The following SBF2 variants were observed in gnomAD, a reference collection of about 807,000 sequenced individuals.
SBF2 encodes the protein SET binding factor 2, also known as myotubularin-related protein 13.
Under a neutral mutation model 225.2 loss-of-function variants are expected in SBF2, and 112 were observed. The ratio of observed to expected loss-of-function variants is 0.50; its 90% CI spans 0.43 to 0.58. The LOEUF (loss-of-function observed/expected upper bound fraction) is 0.58, where lower values mean the gene tolerates loss of function less well. Among genes scored for constraint, SBF2 ranks in the 20% least tolerant of loss-of-function variants. The probability of loss-of-function intolerance (pLI) is 0.00; values close to 1 mark genes in which losing one functional copy is unlikely to be tolerated. For synonymous variants in SBF2, 763 were observed against 773.3 expected, an observed-to-expected ratio of 0.99 and a Z score of 0.22; for missense variants, 1,996 against 2,206.2, an observed-to-expected ratio of 0.90 and a Z score of 1.91.
intron 1 of SBF2, among the ~76,000 whole-genome samples, chr11:10,204,560 AGGCAGGAGAATGGCG>A (rs1490384851): frequency 2.6e-5 from 4 of 151,394 alleles, no homozygotes; most frequent in African/African-American, 9.7e-5. Context: ...AATGGCGTGG[AGGCAGGAGAATGGCG>A]TGAACCCAGG....
At chr11:10,275,829 A>G (rs1300250648) in intron 1 of SBF2, among the ~76,000 whole-genome samples, 1 of 152,174 alleles carries the variant, frequency 6.6e-6, no homozygotes, top group Non-Finnish European at 1.5e-5. Context: ...AGAGTCTACT[A>G]GGTGACTTCT....
chr11:9,810,336 A>C (rs1157795762), intron 30 of SBF2: 1 of 152,224 alleles, frequency 6.6e-6, no homozygotes, highest in Non-Finnish European at 1.5e-5. Flanking sequence ...ATGAGAAAAA[A>C]ACTTTCAATA....
chr11:9,847,482 C>T (rs1590212910), intron 22 of SBF2, among the ~76,000 whole-genome samples: 1 of 146,508 alleles, frequency 6.8e-6, no homozygotes, highest in African/African-American at 2.5e-5. Flanking sequence ...ATAAGATCAC[C>T]TGGTTTAAGG....
At chr11:9,894,181 A>G (rs1278842781) in intron 17 of SBF2, among the ~76,000 whole-genome samples, 1 of 152,206 alleles carries the variant, frequency 6.6e-6, no homozygotes, top group African/African-American at 2.4e-5. Context: ...TAGGAATTTT[A>G]GACCAGCCTG....
chr11:10,247,990 G>A (rs12294064), intron 1 of SBF2, among the ~76,000 whole-genome samples: 3,306 of 152,274 alleles, frequency 0.022, 92 homozygotes, highest in African/African-American at 0.065. Context: ...CTTCAAAAGT[G>A]TAAACATTTG....
At chr11:10,004,278 C>T (rs568283785) in intron 6 of SBF2, among the ~76,000 whole-genome samples, 1 of 152,084 alleles carries the variant, frequency 6.6e-6, no homozygotes, top group African/African-American at 2.4e-5. Context: ...ATAAATGCTA[C>T]AAATTTTGCA....
At chr11:9,821,941 T>C (rs1854780131) in intron 28 of SBF2, among the ~76,000 whole-genome samples, 1 of 152,228 alleles carries the variant, frequency 6.6e-6, no homozygotes, top group African/African-American at 2.4e-5. Flanking sequence ...CTTCTATCTC[T>C]TGCCTTAGAT....
intron 17 of SBF2, among the ~76,000 whole-genome samples, chr11:9,866,537 G>C (rs747238443): frequency 7.9e-5 from 12 of 152,194 alleles, no homozygotes; most frequent in Non-Finnish European, 1.5e-4. Context: ...GCAGGAAAAT[G>C]AGACTAGACC....
chr11:10,224,313 C>T (rs1314041703), intron 1 of SBF2, among the ~76,000 whole-genome samples: 2 of 151,962 alleles, frequency 1.3e-5, no homozygotes, highest in African/African-American at 4.8e-5. Context: ...CATACATTTC[C>T]CTCAATCTCT....
In SBF2 at chr11:10,014,568, A is replaced by G. The variant is rs886679235; in HGVS notation, c.620-11879T>C. Among the ~76,000 whole-genome samples, 6 of 150,860 alleles carry G rather than the reference A, an allele frequency of 4.0e-5. No individual in the cohort carries two copies. The South Asian group carries it at 1.3e-3, about 32-fold the overall frequency. On this transcript the variant is annotated intron_variant, in intron 6 of 39. Transcript: ENST00000256190. ...ACTATTTGTTTGCAATTCTCTTCCC[A>G]AAACTGTCCAAAGCTGAGTTTGTAC... is the stretch of plus-strand genomic sequence containing the variant.
chr11:10,167,107 C>A (rs938707888), intron 2 of SBF2, among the ~76,000 whole-genome samples: 9 of 152,132 alleles, frequency 5.9e-5, no homozygotes, highest in Non-Finnish European at 1.3e-4. Flanking sequence ...AAATATCTGA[C>A]TATATTTCCC....
In SBF2 at chr11:10,139,511, T is replaced by C. The variant is rs182667749; in HGVS notation, c.141+54391A>G. Among the ~76,000 whole-genome samples the C allele has an allele frequency of 3.9e-5, 6 of 152,340 alleles. No homozygotes were observed. In the East Asian group the frequency reaches 1.2e-3, roughly 29 times the overall value. On this transcript the variant is annotated intron_variant, in intron 2 of 39. Transcript: ENST00000256190. ...CCTTGCATTTATTACACTTTCCTTG[T>C]TCAAAGCTGTGCAAGATTTGTCTGA...
intron 13 of SBF2, among the ~76,000 whole-genome samples, chr11:9,976,922 A>G (rs1946718167): frequency 6.6e-6 from 1 of 151,582 alleles, no homozygotes; most frequent in Middle Eastern, 3.2e-3. Flanking sequence ...CGCGCCCACC[A>G]CCATGCCCAG....
intron 13 of SBF2, among the ~76,000 whole-genome samples, chr11:9,986,856 C>T (rs1187109371): frequency 6.6e-6 from 1 of 152,044 alleles, no homozygotes; most frequent in Non-Finnish European, 1.5e-5. Context: ...TTCAATGAAA[C>T]ACCAGTACCA....
chr11:9,834,587 C>T (rs1590183916), intron 26 of SBF2, among the ~76,000 whole-genome samples: 1 of 152,148 alleles, frequency 6.6e-6, no homozygotes, highest in East Asian at 1.9e-4. Flanking sequence ...CCAATGATAA[C>T]TTGGAAGCAT....
chr11:10,047,096 C>T (rs979591915), intron 2 of SBF2, among the ~76,000 whole-genome samples: 5 of 151,950 alleles, frequency 3.3e-5, no homozygotes, highest in African/African-American at 9.7e-5. Context: ...ATAAGGAAAA[C>T]TATAACACTC....
intron 1 of SBF2, among the ~76,000 whole-genome samples, chr11:10,217,364 C>A (rs1260728883): frequency 6.6e-6 from 1 of 152,094 alleles, no homozygotes; most frequent in Non-Finnish European, 1.5e-5. Flanking sequence ...GGAAAGGAGA[C>A]TTTTTACTTT....
intron 2 of SBF2, among the ~76,000 whole-genome samples, chr11:10,179,240 T>C: frequency 6.6e-6 from 1 of 151,682 alleles, no homozygotes; most frequent in East Asian, 1.9e-4. Flanking sequence ...ATATATCTAA[T>C]GCTAGATGAG....
chr11:10,225,389 T>C (rs563982162), intron 1 of SBF2, among the ~76,000 whole-genome samples: 9 of 152,152 alleles, frequency 5.9e-5, no homozygotes, highest in Admixed American at 2.6e-4. Context: ...AGGCAGCATT[T>C]TGAAAACCCA....
Sources: gnomAD v4.1 joint callset for allele counts (sites outside exome capture counted in the v4.1 genomes callset) on GRCh38, gnomAD v4.1.1 for gene constraint, MANE v1.5 for transcripts, NCBI Gene and HGNC (gene_info 2026-07-23, HGNC 2026-07-21) for gene names.